Variants in RANBP10 observed in about 807,000 individuals in gnomAD.
RANBP10 encodes RAN binding protein 10.
Under a neutral mutation model 72.8 loss-of-function variants are expected in RANBP10, and 24 were observed. The observed-to-expected ratio is 0.33, with a 90% confidence interval of 0.24 to 0.46. RANBP10 has a LOEUF of 0.46. Among genes scored for constraint, RANBP10 ranks in the 20% least tolerant of loss-of-function variants. RANBP10 has a pLI of 1.00. For missense variants in RANBP10, 679 were observed against 817.5 expected (o/e 0.83, Z 2.07); for synonymous variants, 310 against 322.3 (o/e 0.96, Z 0.41).
chr16:67,774,333 A>G (rs1407750864), intron 2 of RANBP10, among the ~76,000 whole-genome samples: 2 of 152,220 alleles, frequency 1.3e-5, no homozygotes, highest in Non-Finnish European at 2.9e-5. Flanking sequence ...GTCACTCAAG[A>G]AGAGTTATGC....
At chr16:67,789,494 G>C (rs533303137) in intron 2 of RANBP10, among the ~76,000 whole-genome samples, 2 of 151,124 alleles carry the variant, frequency 1.3e-5, no homozygotes, top group Non-Finnish European at 2.9e-5. Flanking sequence ...TTTTGAGATG[G>C]AGTCTCACTC....
Position 67,744,450 on chromosome 16 carries a change from C to G in RANBP10, c.406G>C (p.Asp136His). ...GVNMNRLPGW[D>H]KHSYGYHGDD... ...CCATGGTAACCATAGGAATGTTTGT[C>G]CCAACCTGTGGGGGAAGAGAGCAGC... The change falls in exon 4 of 14, where the codon GAC (aspartate) becomes CAC (histidine). Residue 136 changes from aspartate (D) to histidine (H), a missense_variant. Coordinates refer to ENST00000317506, the MANE Select transcript of RANBP10 (RefSeq NM_020850.3). 1 of 1,612,638 alleles carries G rather than the reference C, an allele frequency of 6.2e-7. No homozygotes were observed. The highest frequency in any genetic ancestry group is 8.5e-7 in the Non-Finnish European group (1 of 1,179,102).
chr16:67,729,163 G>T lies in RANBP10; in HGVS notation c.1352+117C>A. 1 of 1,514,650 alleles carries T rather than the reference G, an allele frequency of 6.6e-7. No individual in the cohort carries two copies. The highest frequency in any genetic ancestry group is 8.8e-7 in the Non-Finnish European group (1 of 1,130,596). 93.8% of individuals were successfully genotyped at this position (1,514,650 alleles called of 1,614,324 possible). Reference sequence around the variant, plus strand: ...CGGTGGGCCAAAAATTAGGACTCCAGGCACAGACCTGAGATGGAGGCTGGG... The same window carrying T: ...CGGTGGGCCAAAAATTAGGACTCCATGCACAGACCTGAGATGGAGGCTGGG... On this transcript the variant is annotated intron_variant, in intron 10 of 13. Coordinates refer to ENST00000317506, the MANE Select transcript of RANBP10 (RefSeq NM_020850.3). This position sits in a 1 kb window ranked among gnomAD's most constrained non-coding sequence, Gnocchi z 7.1.
chr16:67,743,127 C>A, intron 4 of RANBP10, among the ~76,000 whole-genome samples: 1 of 152,252 alleles, frequency 6.6e-6, no homozygotes, highest in Admixed American at 6.5e-5. Context: ...AATTCCCACT[C>A]AGGTCCCCTG....
At chr16:67,778,179 G>A (rs1240546535) in intron 2 of RANBP10, among the ~76,000 whole-genome samples, 1 of 152,014 alleles carries the variant, frequency 6.6e-6, no homozygotes, top group African/African-American at 2.4e-5. Context: ...GAGAAACCCC[G>A]TCGCTACTAA....
intron 2 of RANBP10, among the ~76,000 whole-genome samples, chr16:67,775,347 A>G (rs1030087409): frequency 6.6e-6 from 1 of 152,100 alleles, no homozygotes; most frequent in African/African-American, 2.4e-5. Flanking sequence ...AGCTAACATC[A>G]TACTCAATGG....
At chr16:67,780,129 G>A (rs1223035579) in intron 2 of RANBP10, among the ~76,000 whole-genome samples, 10 of 152,166 alleles carry the variant, frequency 6.6e-5, no homozygotes, top group Non-Finnish European at 1.2e-4. Context: ...CTACTCGTGA[G>A]GCTGAGGCAG....
At chr16:67,785,759 G>A (rs1024771736) in intron 2 of RANBP10, among the ~76,000 whole-genome samples, 3 of 120,112 alleles carry the variant, frequency 2.5e-5, no homozygotes, top group African/African-American at 1.1e-4. Flanking sequence ...CAGGCACAGT[G>A]GCTCACGCCT....
At position 67,792,892 on chromosome 16, in the gene RANBP10, T is replaced by C. The variant is rs115319225; in HGVS notation, c.347+12536A>G. Reference sequence around the variant, plus strand: ...TCAGGAGACCCTCATGTGCCCAATGTCACCAGCACTATCAAAGCACCCCGA... The same window carrying C: ...TCAGGAGACCCTCATGTGCCCAATGCCACCAGCACTATCAAAGCACCCCGA... On this transcript the variant is annotated intron_variant, in intron 2 of 13. Transcript: ENST00000317506. Among the ~76,000 whole-genome samples the C allele has an allele frequency of 3.5e-3, 539 of 151,958 alleles. 5 individuals carry two copies. The highest frequency in any genetic ancestry group is 0.013 in the African/African-American group (526 of 41,458).
chr16:67,774,853 A>G (rs780225384), intron 2 of RANBP10, among the ~76,000 whole-genome samples: 8 of 152,228 alleles, frequency 5.3e-5, no homozygotes, highest in South Asian at 2.1e-4. Flanking sequence ...CTTAAAGACT[A>G]TCATCCAACC....
intron 4 of RANBP10, 151 bp downstream of exon 4, chr16:67,744,137 C>A: frequency 6.9e-7 from 1 of 1,451,664 alleles, no homozygotes; most frequent in Non-Finnish European, 9.1e-7. Context: ...CTGCTACCCT[C>A]TATTCACCTG....
intron 2 of RANBP10, among the ~76,000 whole-genome samples, chr16:67,800,146 A>G (rs998371557): frequency 7.0e-6 from 1 of 142,740 alleles, no homozygotes; most frequent in Admixed American, 7.3e-5. Flanking sequence ...AACAACAACC[A>G]AAAAAAAAAA....
chr16:67,758,786 A>G (rs2054339694), intron 3 of RANBP10, among the ~76,000 whole-genome samples: 2 of 152,240 alleles, frequency 1.3e-5, no homozygotes, highest in Admixed American at 6.5e-5. Flanking sequence ...GCTGGGGGCT[A>G]GTATTTGGAA....
intron 2 of RANBP10, among the ~76,000 whole-genome samples, chr16:67,785,284 AAAAGG>A (rs1320543726): frequency 6.6e-6 from 1 of 152,084 alleles, no homozygotes; most frequent in Non-Finnish European, 1.5e-5. Context: ...AACTAAAATA[AAAAGG>A]AAAGAGCCAA....
intron 3 of RANBP10, among the ~76,000 whole-genome samples, chr16:67,769,639 C>T (rs934117819): frequency 4.2e-5 from 6 of 142,548 alleles, no homozygotes; most frequent in South Asian, 2.3e-4. Context: ...CCAGCTACTC[C>T]GGAGGCTGAG....
chr16:67,783,591 G>C (rs2054853415), intron 2 of RANBP10, among the ~76,000 whole-genome samples: 1 of 152,152 alleles, frequency 6.6e-6, no homozygotes, highest in Non-Finnish European at 1.5e-5. Flanking sequence ...TTCCTTATTA[G>C]AGGAGGAAAG....
At chr16:67,790,554 G>T (rs544364127) in intron 2 of RANBP10, among the ~76,000 whole-genome samples, 1 of 151,650 alleles carries the variant, frequency 6.6e-6, no homozygotes, top group Admixed American at 6.6e-5. Flanking sequence ...GGCTTTTCCC[G>T]ATGAGACAAG....
intron 2 of RANBP10, among the ~76,000 whole-genome samples, chr16:67,773,601 G>C (rs1228308467): frequency 6.6e-6 from 1 of 152,116 alleles, no homozygotes; most frequent in Admixed American, 6.6e-5. Context: ...CTACTCACCT[G>C]CCTCTGAAAT....
At chr16:67,796,769 C>T (rs1238197471) in intron 2 of RANBP10, among the ~76,000 whole-genome samples, 1 of 152,152 alleles carries the variant, frequency 6.6e-6, no homozygotes, top group Non-Finnish European at 1.5e-5. Flanking sequence ...AAGGGCTTCC[C>T]CAGTCCCCTC....
Sources: gnomAD v4.1 joint callset for allele counts (sites outside exome capture counted in the v4.1 genomes callset) on GRCh38, gnomAD v4.1.1 for gene constraint, Gnocchi (gnomAD v3.1) non-coding constraint, MANE v1.5 for transcripts, NCBI Gene and HGNC (gene_info 2026-07-23, HGNC 2026-07-21) for gene names.